SPATA6: variants seen among roughly 807,000 people sequenced by gnomAD.
The protein encoded by SPATA6 is spermatogenesis associated 6, also known as spermatogenesis-associated protein 6.
Under a neutral mutation model 65.3 loss-of-function variants are expected in SPATA6, and 56 were observed. The observed-to-expected ratio is 0.86, with a 90% CI of 0.69 to 1.07. The LOEUF (loss-of-function observed/expected upper bound fraction) is 1.07. SPATA6 is among the 50% of genes least tolerant of loss of function. The pLI is 0.00. For synonymous variants in SPATA6, 199 were observed against 213.2 expected, an observed-to-expected ratio of 0.93 and a Z score of 0.58; for missense variants, 590 against 594.8, an observed-to-expected ratio of 0.99 and a Z score of 0.08.
chr1:48,345,970 G>A (rs1646353747), intron 11 of SPATA6, among the ~76,000 whole-genome samples: 1 of 152,042 alleles, frequency 6.6e-6, no homozygotes, highest in Admixed American at 6.6e-5. Context: ...TGAGGATGAG[G>A]AACTACTCTC....
rs144822213 is a variant in SPATA6, at chr1:48,404,866, C to T, written c.406-984G>A. ...AGATAAATGGTAAAATTCAAAAGGA[C>T]AGTCACAAAGTATCTGTGAAAATAT... On this transcript the variant is annotated intron_variant, in intron 5 of 12. Transcript: ENST00000371847. 2.0e-3 allele frequency among the ~76,000 whole-genome samples: 298 copies of T among 152,278 alleles called. 2 individuals are homozygous for T. Among genetic ancestry groups the T allele is most frequent in the Admixed American group, 0.013 (196 of 15,296 alleles).
chr1:48,334,114 G>A (rs533648754), intron 11 of SPATA6, among the ~76,000 whole-genome samples: 1 of 152,128 alleles, frequency 6.6e-6, no homozygotes, highest in East Asian at 1.9e-4. Flanking sequence ...CCAATAACAA[G>A]CTTTGAAACT....
intron 5 of SPATA6, among the ~76,000 whole-genome samples, chr1:48,408,139 A>T (rs1456109152): frequency 6.6e-6 from 1 of 152,234 alleles, no homozygotes; most frequent in Non-Finnish European, 1.5e-5. Context: ...TTTTCTTGGA[A>T]TAGGGCATAT....
At chr1:48,339,792 T>C (rs930123960) in intron 11 of SPATA6, among the ~76,000 whole-genome samples, 3 of 151,922 alleles carry the variant, frequency 2.0e-5, no homozygotes, top group Non-Finnish European at 4.4e-5. Flanking sequence ...AACGATCTAA[T>C]AGAGGTAATT....
chr1:48,381,697 TTAA>T (rs1442399025), intron 9 of SPATA6, among the ~76,000 whole-genome samples: 2 of 144,976 alleles, frequency 1.4e-5, no homozygotes, highest in South Asian at 2.2e-4. Context: ...CTTTTTTTTT[TTAA>T]TTAATTTATT....
intron 11 of SPATA6, among the ~76,000 whole-genome samples, chr1:48,332,989 A>G (rs1442312238): frequency 6.6e-6 from 1 of 152,196 alleles, no homozygotes; most frequent in Non-Finnish European, 1.5e-5. Context: ...TTAATTATCA[A>G]ATTAAGGCAG....
rs556234674 is a variant in SPATA6, at chr1:48,298,048, T to C, written c.*665A>G. On this transcript the variant is annotated 3_prime_UTR_variant, in exon 13 of 13. Transcript: ENST00000371847. Reference sequence around the variant, plus strand: ...AAGAATTTTATCTTTAAAAATTAGTTATTCAAATTTTTGATCATCCATGGC... The same window carrying C: ...AAGAATTTTATCTTTAAAAATTAGTCATTCAAATTTTTGATCATCCATGGC... 6.6e-6 allele frequency: 1 copy of C among 152,178 alleles called. No homozygotes were observed. Among genetic ancestry groups the C allele is most frequent in the African/African-American group, 2.4e-5 (1 of 41,456 alleles). 9.4% of individuals were successfully genotyped at this position (152,178 alleles called of 1,614,324 possible). A position where few individuals can be genotyped will look rare whatever the true frequency, so the allele number is the denominator to read the frequency against.
intron 3 of SPATA6, among the ~76,000 whole-genome samples, chr1:48,441,645 G>A (rs568290823): frequency 5.3e-5 from 8 of 151,768 alleles, no homozygotes; most frequent in East Asian, 3.9e-4. Context: ...CTCTTTACAC[G>A]TCACAGAGAG....
intron 12 of SPATA6, among the ~76,000 whole-genome samples, chr1:48,299,392 T>C (rs1644876615): frequency 6.6e-6 from 1 of 151,426 alleles, no homozygotes; most frequent in East Asian, 1.9e-4. Flanking sequence ...CGCTTGCCTA[T>C]AATCCCAGCT....
At chr1:48,316,035 A>T (rs1021886001) in intron 11 of SPATA6, among the ~76,000 whole-genome samples, 17 of 152,192 alleles carry the variant, frequency 1.1e-4, no homozygotes, top group Non-Finnish European at 1.5e-4. Context: ...GAAATAAAAG[A>T]TACAAACAAA....
intron 1 of SPATA6, among the ~76,000 whole-genome samples, chr1:48,456,566 A>G (rs1023697811): frequency 2.0e-5 from 3 of 152,196 alleles, no homozygotes; most frequent in Non-Finnish European, 2.9e-5. Context: ...TTACTAAACA[A>G]AGATCTGAAA....
chr1:48,471,719 G>T (rs1035351723), intron 1 of SPATA6, among the ~76,000 whole-genome samples: 1 of 152,190 alleles, frequency 6.6e-6, no homozygotes, highest in Non-Finnish European at 1.5e-5. Flanking sequence ...CTGAAAGCGC[G>T]CAAGTTGGAA....
At chr1:48,381,399 T>C (rs973656756) in intron 9 of SPATA6, among the ~76,000 whole-genome samples, 1 of 152,164 alleles carries the variant, frequency 6.6e-6, no homozygotes, top group African/African-American at 2.4e-5. Context: ...TTAGTAGGCT[T>C]AGAATAAATA....
intron 9 of SPATA6, among the ~76,000 whole-genome samples, chr1:48,362,724 G>T (rs1010687435): frequency 1.3e-5 from 2 of 152,098 alleles, no homozygotes; most frequent in African/African-American, 4.8e-5. Flanking sequence ...TGAGGAGGTA[G>T]AATCGAAATC....
intron 12 of SPATA6, among the ~76,000 whole-genome samples, chr1:48,305,446 G>T (rs942011761): frequency 2.6e-5 from 4 of 151,990 alleles, no homozygotes; most frequent in Non-Finnish European, 5.9e-5. Context: ...AATAGAATTT[G>T]CTCTTACAGA....
chr1:48,460,059 C>T (rs1657311304), intron 1 of SPATA6, among the ~76,000 whole-genome samples: 1 of 152,088 alleles, frequency 6.6e-6, no homozygotes, highest in South Asian at 2.1e-4. Context: ...CAGCCTCAAA[C>T]TCCTGGGCTC....
At chr1:48,374,280 A>C (rs1361965703) in intron 9 of SPATA6, among the ~76,000 whole-genome samples, 2 of 152,056 alleles carry the variant, frequency 1.3e-5, no homozygotes, top group East Asian at 3.8e-4. Flanking sequence ...CCAAACCTAT[A>C]CATCAGTAAA....
chr1:48,376,963 C>A (rs1647993679), intron 9 of SPATA6, among the ~76,000 whole-genome samples: 1 of 152,128 alleles, frequency 6.6e-6, no homozygotes, highest in South Asian at 2.1e-4. Context: ...TATTTGTGGT[C>A]CATCGCTGAC....
At chr1:48,439,373 G>T (rs1425160980) in intron 3 of SPATA6, among the ~76,000 whole-genome samples, 1 of 152,130 alleles carries the variant, frequency 6.6e-6, no homozygotes, top group Non-Finnish European at 1.5e-5. Flanking sequence ...AGGGTCCAGG[G>T]ACCATTGCGG....
Sources: allele counts gnomAD v4.1 joint callset (sites outside exome capture counted in the v4.1 genomes callset), GRCh38; gene constraint gnomAD v4.1.1; transcripts MANE v1.5; gene names NCBI Gene and HGNC (gene_info 2026-07-23, HGNC 2026-07-21).